The following CNTNAP5 variants were observed in gnomAD, a reference collection of about 807,000 sequenced individuals.
The protein encoded by CNTNAP5 is contactin-associated protein-like 5.
CNTNAP5 carries 72 observed loss-of-function variants against 150.2 expected under a neutral mutation model. That is an observed-to-expected ratio of 0.48 (90% CI 0.40 to 0.58). The LOEUF (loss-of-function observed/expected upper bound fraction) is 0.58. CNTNAP5 is among the 20% of genes least tolerant of loss of function. The pLI, the probability that CNTNAP5 is intolerant of heterozygous loss-of-function variation, is 0.00. For missense variants in CNTNAP5, 1,636 were observed against 1,626.2 expected (o/e 1.01, Z -0.10); for synonymous variants, 672 against 619.8 (o/e 1.08, Z -1.25).
At chr2:124,532,987 G>A (rs1695145422) in intron 10 of CNTNAP5, among the ~76,000 whole-genome samples, 1 of 152,062 alleles carries the variant, frequency 6.6e-6, no homozygotes, top group Non-Finnish European at 1.5e-5. Context: ...TGTTGCAAGT[G>A]ATCCTTAGTA....
chr2:124,531,663 G>A (rs1333317292), intron 10 of CNTNAP5, among the ~76,000 whole-genome samples: 1 of 152,144 alleles, frequency 6.6e-6, no homozygotes, highest in Non-Finnish European at 1.5e-5. Context: ...GTGTTCTCAA[G>A]GTCCCATAGG....
At chr2:124,250,583 T>C (rs879627723) in intron 3 of CNTNAP5, among the ~76,000 whole-genome samples, 1 of 152,048 alleles carries the variant, frequency 6.6e-6, no homozygotes, top group Non-Finnish European at 1.5e-5. Context: ...TGGTTGCAGA[T>C]GAAGACAGTT....
chr2:124,025,355 T>C lies in CNTNAP5; in HGVS notation c.-296T>C, dbSNP rs77182849. 27,022 of 348,372 alleles carry C rather than the reference T, an allele frequency of 0.078. 1,511 individuals are homozygous for C. Among genetic ancestry groups the C allele is most frequent in the Non-Finnish European group, 0.11 (19,459 of 183,384 alleles). 21.6% of individuals were successfully genotyped at this position (348,372 alleles called of 1,614,324 possible). The stretch of plus-strand genomic sequence containing the variant: ...CGAGCTCCGGCGCCTGTCGTTCTAA[T>C]TGGGTTTGGATTTGCACCGTTAAGG... On this transcript the variant is annotated 5_prime_UTR_variant, in exon 1 of 24. Coordinates refer to ENST00000682447, the MANE Select transcript of CNTNAP5 (RefSeq NM_001367498.1).
At chr2:124,744,514 G>A (rs74745143) in intron 13 of CNTNAP5, among the ~76,000 whole-genome samples, 6 of 151,958 alleles carry the variant, frequency 3.9e-5, no homozygotes, top group African/African-American at 1.2e-4. Flanking sequence ...ACCATGTAAC[G>A]AGCAGGAGGG....
At chr2:124,227,048 G>A (rs1299212766) in intron 2 of CNTNAP5, among the ~76,000 whole-genome samples, 1 of 151,974 alleles carries the variant, frequency 6.6e-6, no homozygotes, top group Non-Finnish European at 1.5e-5. Flanking sequence ...GCCACATTGG[G>A]GATTAAGTTT....
intron 3 of CNTNAP5, among the ~76,000 whole-genome samples, chr2:124,244,933 A>T (rs1391692291): frequency 6.6e-6 from 1 of 152,354 alleles, no homozygotes; most frequent in Non-Finnish European, 1.5e-5. Flanking sequence ...ACACAACCAG[A>T]AACTGGTGGC....
chr2:124,733,112 G>T (rs1680307310), intron 13 of CNTNAP5, among the ~76,000 whole-genome samples: 2 of 151,820 alleles, frequency 1.3e-5, no homozygotes, highest in Non-Finnish European at 2.9e-5. Flanking sequence ...AGGAGCTTTT[G>T]GGGGAAATGT....
chr2:124,832,182 C>A (rs976982692), intron 19 of CNTNAP5, among the ~76,000 whole-genome samples: 1 of 152,150 alleles, frequency 6.6e-6, no homozygotes, highest in Admixed American at 6.5e-5. Flanking sequence ...GCTGATGATT[C>A]TGAAGACAAT....
At chr2:124,512,603 C>T (rs1694617800) in intron 8 of CNTNAP5, among the ~76,000 whole-genome samples, 2 of 152,134 alleles carry the variant, frequency 1.3e-5, no homozygotes, top group African/African-American at 4.8e-5. Context: ...CAGCGCATCC[C>T]ATTTAATTCC....
intron 1 of CNTNAP5, among the ~76,000 whole-genome samples, chr2:124,089,125 T>TC: frequency 6.6e-6 from 1 of 152,154 alleles, no homozygotes; most frequent in East Asian, 1.9e-4. Flanking sequence ...TTTCTGAAAT[T>TC]CCCTAGACAA....
intron 10 of CNTNAP5, among the ~76,000 whole-genome samples, chr2:124,529,240 C>T (rs1469499358): frequency 6.6e-6 from 1 of 152,108 alleles, no homozygotes; most frequent in Non-Finnish European, 1.5e-5. Context: ...TCAGCCAGTG[C>T]AGCCTCTTCC....
At chr2:124,712,206 G>T (rs1036710584) in intron 13 of CNTNAP5, among the ~76,000 whole-genome samples, 1 of 152,198 alleles carries the variant, frequency 6.6e-6, no homozygotes, top group Non-Finnish European at 1.5e-5. Context: ...GTGGATACAT[G>T]AATCAATTAG....
At chr2:124,031,512 T>C (rs1186384445) in intron 1 of CNTNAP5, among the ~76,000 whole-genome samples, 1 of 152,168 alleles carries the variant, frequency 6.6e-6, no homozygotes, top group African/African-American at 2.4e-5. Context: ...GAAGTTCAGA[T>C]CACCTGATTG....
At chr2:124,730,246 G>A in intron 13 of CNTNAP5, among the ~76,000 whole-genome samples, 1 of 151,862 alleles carries the variant, frequency 6.6e-6, no homozygotes, top group East Asian at 1.9e-4. Context: ...AAACTGTATT[G>A]CAGTTATTAT....
At chr2:124,765,902 G>A (rs1681058282) in intron 16 of CNTNAP5, among the ~76,000 whole-genome samples, 1 of 151,960 alleles carries the variant, frequency 6.6e-6, no homozygotes, top group Non-Finnish European at 1.5e-5. Flanking sequence ...GTTGCAGTAA[G>A]CCAAGATTGC....
At position 124,665,585 on chromosome 2, in the gene CNTNAP5, A is replaced by C. The variant is rs186014481; in HGVS notation, c.2077+17627A>C. ...TAAAACTGTCTCCATATATATGTTG[A>C]TGTGTAGCTAAAAAATATTGGCCAG... On this transcript the variant is annotated intron_variant, in intron 13 of 23. Transcript: ENST00000682447. 1.9e-3 allele frequency among the ~76,000 whole-genome samples: 293 copies of C among 152,294 alleles called. 1 individual carries two copies. The highest frequency in any genetic ancestry group is 3.4e-3 in the Middle Eastern group (1 of 294).
intron 20 of CNTNAP5, among the ~76,000 whole-genome samples, chr2:124,866,226 C>T (rs1408363755): frequency 6.6e-6 from 1 of 152,148 alleles, no homozygotes; most frequent in African/African-American, 2.4e-5. Flanking sequence ...CACCACTGCA[C>T]TCCAGCCTGG....
intron 1 of CNTNAP5, among the ~76,000 whole-genome samples, chr2:124,189,204 CAATT>C (rs1247058928): frequency 1.3e-5 from 2 of 152,068 alleles, no homozygotes; most frequent in African/African-American, 4.8e-5. Context: ...GTAAACAAAA[CAATT>C]AATTTCTGAT....
chr2:124,594,643 C>A (rs1283710968), intron 11 of CNTNAP5, among the ~76,000 whole-genome samples: 1 of 139,610 alleles, frequency 7.2e-6, no homozygotes, highest in Admixed American at 7.6e-5. Context: ...TCCATATGAA[C>A]TTTAAAGTAG....
Sources: allele counts gnomAD v4.1 joint callset (sites outside exome capture counted in the v4.1 genomes callset), GRCh38; gene constraint gnomAD v4.1.1; transcripts MANE v1.5; gene names NCBI Gene and HGNC (gene_info 2026-07-23, HGNC 2026-07-21).